CDYL: variants seen among roughly 807,000 people sequenced by gnomAD.
CDYL encodes the protein chromodomain Y-like protein.
Under a neutral mutation model 47.3 loss-of-function variants are expected in CDYL, and 8 were observed. The observed-to-expected ratio is 0.17, with a 90% CI of 0.10 to 0.31. The LOEUF is 0.31. Ranked by LOEUF, CDYL falls within the 10% of genes least tolerant of loss-of-function variation. CDYL has a pLI of 1.00. For missense variants in CDYL, 471 were observed against 701.4 expected (o/e 0.67, Z 3.71); for synonymous variants, 266 against 265.0 (o/e 1.00, Z -0.04).
chr6:4,753,563 AG>A (rs1758030993), intron 3 of CDYL, among the ~76,000 whole-genome samples: 1 of 152,222 alleles, frequency 6.6e-6, no homozygotes, highest in Admixed American at 6.5e-5. Context: ...CCTGATTGTC[AG>A]GGCACTGTGT....
intron 1 of CDYL, among the ~76,000 whole-genome samples, chr6:4,864,625 T>C (rs909570046): frequency 6.6e-6 from 1 of 152,120 alleles, no homozygotes; most frequent in Non-Finnish European, 1.5e-5. Context: ...GGCCGGTTTT[T>C]CTCATGCTGT....
intron 3 of CDYL, among the ~76,000 whole-genome samples, chr6:4,763,553 T>G (rs559537878): frequency 9.2e-5 from 14 of 152,316 alleles, no homozygotes; most frequent in African/African-American, 3.4e-4. Context: ...TACATTTAGT[T>G]AAGAAAAAGA....
chr6:4,746,114 C>G (rs1215350255), intron 3 of CDYL, among the ~76,000 whole-genome samples: 1 of 151,720 alleles, frequency 6.6e-6, no homozygotes, highest in African/African-American at 2.4e-5. Flanking sequence ...CCCTGTAATC[C>G]CAGCACTTTG....
intron 1 of CDYL, among the ~76,000 whole-genome samples, chr6:4,807,663 G>A (rs989237278): frequency 7.5e-6 from 1 of 133,624 alleles, no homozygotes; most frequent in Non-Finnish European, 1.5e-5. Flanking sequence ...GAGTGCAGTG[G>A]TGTGAATGTG....
chr6:4,896,033 CCT>C (rs1267851775), intron 2 of CDYL, among the ~76,000 whole-genome samples: 2 of 152,310 alleles, frequency 1.3e-5, no homozygotes, highest in East Asian at 3.9e-4. Context: ...GATCTCTACC[CCT>C]CTCTCACTTC....
chr6:4,866,976 G>A (rs1761341589), intron 1 of CDYL, among the ~76,000 whole-genome samples: 1 of 151,910 alleles, frequency 6.6e-6, no homozygotes, highest in African/African-American at 2.4e-5. Context: ...AAGCTATCAT[G>A]AAAAGCTTCA....
chr6:4,830,478 C>T (rs996239151), intron 1 of CDYL, among the ~76,000 whole-genome samples: 15 of 152,276 alleles, frequency 9.9e-5, no homozygotes, highest in Non-Finnish European at 2.1e-4. Flanking sequence ...GGCAGGCACT[C>T]CACAACTCAG....
At chr6:4,723,786 AAT>A (rs1757422350) in intron 2 of CDYL, among the ~76,000 whole-genome samples, 1 of 152,184 alleles carries the variant, frequency 6.6e-6, no homozygotes, top group African/African-American at 2.4e-5. Flanking sequence ...GCAACTTAAA[AAT>A]CTAAGGGAAA....
intron 4 of CDYL, among the ~76,000 whole-genome samples, chr6:4,942,688 A>C (rs1212162590): frequency 1.3e-5 from 2 of 152,206 alleles, no homozygotes; most frequent in Non-Finnish European, 2.9e-5. Flanking sequence ...AAGTGGTATG[A>C]CACCAAGCTA....
intron 1 of CDYL, among the ~76,000 whole-genome samples, chr6:4,820,952 T>C (rs1019380397): frequency 3.9e-5 from 6 of 152,242 alleles, no homozygotes; most frequent in Non-Finnish European, 5.9e-5. Flanking sequence ...AGAATTGTCT[T>C]ACATCTTACT....
intron 2 of CDYL, among the ~76,000 whole-genome samples, chr6:4,919,471 T>A (rs1276383975): frequency 6.6e-6 from 1 of 152,228 alleles, no homozygotes; most frequent in African/African-American, 2.4e-5. Flanking sequence ...ATTTGTCAGA[T>A]TTTGGAATAT....
intron 2 of CDYL, among the ~76,000 whole-genome samples, chr6:4,894,962 C>T (rs995225220): frequency 4.0e-4 from 17 of 42,216 alleles, no homozygotes; most frequent in African/African-American, 1.1e-3. Flanking sequence ...TGTATATATA[C>T]GTATGTGTAT....
chr6:4,749,299 G>A (rs202189658), intron 3 of CDYL, among the ~76,000 whole-genome samples: 1 of 132,818 alleles, frequency 7.5e-6, no homozygotes, highest in African/African-American at 2.7e-5. Context: ...ATGGATGGAT[G>A]GATGGATAGA....
At position 4,780,963 on chromosome 6, in the gene CDYL, G is replaced by A. The variant is rs138019627; in HGVS notation, c.24+4156G>A. Reference sequence around the variant, plus strand: ...AATGGAATAAGTATTCTCTTTATTTGTATGTCTTAATAATTCCTTTTTTCC... The same window carrying A: ...AATGGAATAAGTATTCTCTTTATTTATATGTCTTAATAATTCCTTTTTTCC... On this transcript the variant is annotated intron_variant, in intron 1 of 6. Transcript: ENST00000397588. Among the ~76,000 whole-genome samples, 3 of 151,926 alleles carry A rather than the reference G, an allele frequency of 2.0e-5. No individual in the cohort carries two copies. The East Asian group carries it at 5.8e-4, about 29-fold the overall frequency.
intron 1 of CDYL, among the ~76,000 whole-genome samples, chr6:4,804,879 A>C (rs1759326115): frequency 6.6e-6 from 1 of 152,086 alleles, no homozygotes; most frequent in African/African-American, 2.4e-5. Flanking sequence ...ATGTCACAGA[A>C]CTCTTGGCCC....
At chr6:4,811,275 A>T (rs1759519779) in intron 1 of CDYL, among the ~76,000 whole-genome samples, 2 of 152,274 alleles carry the variant, frequency 1.3e-5, no homozygotes, top group Non-Finnish European at 2.9e-5. Context: ...TACTAAAGAT[A>T]GAACTAGCAG....
intron 2 of CDYL, among the ~76,000 whole-genome samples, chr6:4,720,930 A>C (rs1040101938): frequency 1.3e-5 from 2 of 152,176 alleles, no homozygotes; most frequent in African/African-American, 4.8e-5. Flanking sequence ...GTAAAAATGA[A>C]CTCTATTCCA....
chr6:4,872,224 A>C (rs887991940), intron 1 of CDYL, among the ~76,000 whole-genome samples: 1 of 151,914 alleles, frequency 6.6e-6, no homozygotes, highest in African/African-American at 2.4e-5. Context: ...ATCAGACTGC[A>C]GCTGTGAAAC....
chr6:4,899,064 C>G (rs1359136347), intron 2 of CDYL, among the ~76,000 whole-genome samples: 1 of 152,078 alleles, frequency 6.6e-6, no homozygotes, highest in Non-Finnish European at 1.5e-5. Context: ...TTTGATTTTT[C>G]TCATTTTCTC....
Sources: gnomAD v4.1 joint callset for allele counts (sites outside exome capture counted in the v4.1 genomes callset) on GRCh38, gnomAD v4.1.1 for gene constraint, MANE v1.5 for transcripts, NCBI Gene and HGNC (gene_info 2026-07-23, HGNC 2026-07-21) for gene names.